Variants in NRG3 observed in about 807,000 individuals in gnomAD.
NRG3 encodes the protein pro-neuregulin-3, membrane-bound isoform.
A neutral mutation model predicts 66.9 loss-of-function variants in NRG3; 31 were observed. That is an observed-to-expected ratio of 0.46 (90% CI 0.35 to 0.63). NRG3 has a LOEUF of 0.63. Ranked by LOEUF, NRG3 falls within the 20% of genes least tolerant of loss-of-function variation. The pLI, the probability that NRG3 is intolerant of heterozygous loss-of-function variation, is 0.00. For missense variants in NRG3, 910 were observed against 878.9 expected, an observed-to-expected ratio of 1.04 and a Z score of -0.45; for synonymous variants, 393 against 359.4, an observed-to-expected ratio of 1.09 and a Z score of -1.06.
intron 2 of NRG3, among the ~76,000 whole-genome samples, chr10:82,721,786 A>G (rs995272302): frequency 6.6e-6 from 1 of 152,048 alleles, no homozygotes; most frequent in Non-Finnish European, 1.5e-5. Flanking sequence ...AATATCCCCT[A>G]CGTTGCCTTC....
intron 1 of NRG3, among the ~76,000 whole-genome samples, chr10:82,249,602 C>T (rs1054824460): frequency 5.3e-5 from 8 of 152,138 alleles, no homozygotes; most frequent in Admixed American, 2.6e-4. Context: ...CACCCTGACC[C>T]ACTTGTCTGC....
At chr10:82,643,539 G>A (rs1162835577) in intron 2 of NRG3, among the ~76,000 whole-genome samples, 1 of 152,032 alleles carries the variant, frequency 6.6e-6, no homozygotes, top group East Asian at 1.9e-4. Context: ...CCCTAAGCAT[G>A]ATTAATAATA....
intron 2 of NRG3, among the ~76,000 whole-genome samples, chr10:82,387,596 C>G (rs952175066): frequency 6.6e-6 from 1 of 152,068 alleles, no homozygotes; most frequent in Non-Finnish European, 1.5e-5. Flanking sequence ...ATAGATGAAC[C>G]CTCATGTTAG....
chr10:82,929,676 G>A (rs968863272), intron 4 of NRG3, among the ~76,000 whole-genome samples: 1 of 151,944 alleles, frequency 6.6e-6, no homozygotes, highest in Non-Finnish European at 1.5e-5. Context: ...TTGAGGTCAG[G>A]AGTTCAATAC....
intron 2 of NRG3, among the ~76,000 whole-genome samples, chr10:82,679,170 G>C (rs1271926504): frequency 6.6e-6 from 1 of 152,142 alleles, no homozygotes; most frequent in Non-Finnish European, 1.5e-5. Context: ...AGATGCTCAG[G>C]AAGTGTTGGA....
At chr10:81,981,743 A>G (rs1471146325) in intron 1 of NRG3, among the ~76,000 whole-genome samples, 1 of 152,208 alleles carries the variant, frequency 6.6e-6, no homozygotes, top group Non-Finnish European at 1.5e-5. Context: ...ATGATGGATA[A>G]CATATGTTTA....
intron 2 of NRG3, among the ~76,000 whole-genome samples, chr10:82,727,690 GGGC>G (rs2057678988): frequency 6.6e-6 from 1 of 152,178 alleles, no homozygotes; most frequent in Non-Finnish European, 1.5e-5. Flanking sequence ...GTCCCTACTG[GGGC>G]ACTGTCTAGT....
intron 1 of NRG3, among the ~76,000 whole-genome samples, chr10:81,999,428 G>T (rs1387310458): frequency 1.3e-5 from 2 of 152,140 alleles, no homozygotes; most frequent in Non-Finnish European, 2.9e-5. Flanking sequence ...TTGGCCACAT[G>T]AGCAGTTAAA....
At chr10:82,833,671 C>G (rs2062639117) in intron 3 of NRG3, among the ~76,000 whole-genome samples, 1 of 152,216 alleles carries the variant, frequency 6.6e-6, no homozygotes, top group African/African-American at 2.4e-5. Context: ...TAAGGATTTA[C>G]CACTGTGGTT....
At chr10:82,336,249 G>A (rs1210768460) in intron 1 of NRG3, among the ~76,000 whole-genome samples, 3 of 152,048 alleles carry the variant, frequency 2.0e-5, no homozygotes, top group Non-Finnish European at 4.4e-5. Context: ...GATATGGAGT[G>A]CAGTGTGGAA....
intron 2 of NRG3, among the ~76,000 whole-genome samples, chr10:82,607,264 T>C (rs1233391144): frequency 6.6e-6 from 1 of 152,200 alleles, no homozygotes; most frequent in Non-Finnish European, 1.5e-5. Flanking sequence ...ATTTTGACAC[T>C]GTTGTTGGGT....
At chr10:82,857,291 A>G (rs1591744476) in intron 3 of NRG3, among the ~76,000 whole-genome samples, 1 of 152,230 alleles carries the variant, frequency 6.6e-6, no homozygotes, top group East Asian at 1.9e-4. Context: ...ATAAGAGATT[A>G]TTAAATTCAG....
chr10:82,943,291 A>G (rs1474604453), intron 4 of NRG3, among the ~76,000 whole-genome samples: 1 of 152,212 alleles, frequency 6.6e-6, no homozygotes, highest in Non-Finnish European at 1.5e-5. Flanking sequence ...GAGGATAAGA[A>G]CAGTTGCAGC....
At chr10:82,090,316 C>T (rs1045070910) in intron 1 of NRG3, among the ~76,000 whole-genome samples, 1 of 152,180 alleles carries the variant, frequency 6.6e-6, no homozygotes, top group Admixed American at 6.5e-5. Context: ...TTAGAGTACA[C>T]TGTTTTATTG....
intron 2 of NRG3, among the ~76,000 whole-genome samples, chr10:82,440,489 T>A (rs187316331): frequency 4.3e-4 from 65 of 152,210 alleles, no homozygotes; most frequent in African/African-American, 1.5e-3. Context: ...TTGGTTGATT[T>A]TGATGTTTCC....
intron 2 of NRG3, among the ~76,000 whole-genome samples, chr10:82,702,900 C>T (rs970665332): frequency 2.6e-5 from 4 of 151,818 alleles, no homozygotes; most frequent in African/African-American, 7.3e-5. Flanking sequence ...TTATGATAAC[C>T]GAGAAAAAAG....
At chr10:82,927,811 C>A (rs541119914) in intron 4 of NRG3, among the ~76,000 whole-genome samples, 2 of 152,078 alleles carry the variant, frequency 1.3e-5, no homozygotes, top group South Asian at 2.1e-4. Context: ...CATACGTGTG[C>A]GTGTGTCTTT....
chr10:81,900,264 T>C (rs973967252), intron 1 of NRG3, among the ~76,000 whole-genome samples: 8 of 73,758 alleles, frequency 1.1e-4, no homozygotes, highest in African/African-American at 1.8e-4. Flanking sequence ...TAACGCACAC[T>C]TCTTATAAGT....
At chr10:82,773,202 C>T (rs2059781311) in intron 3 of NRG3, among the ~76,000 whole-genome samples, 1 of 152,130 alleles carries the variant, frequency 6.6e-6, no homozygotes. Flanking sequence ...ACATTCCCGC[C>T]AACTGTGCAC....
Sources: allele counts gnomAD v4.1 joint callset (sites outside exome capture counted in the v4.1 genomes callset), GRCh38; gene constraint gnomAD v4.1.1; transcripts MANE v1.5; gene names NCBI Gene and HGNC (gene_info 2026-07-23, HGNC 2026-07-21).